The following SSH2 variants were observed in gnomAD, a reference collection of about 807,000 sequenced individuals.
SSH2 encodes slingshot protein phosphatase 2.
In SSH2, 37 loss-of-function variants were observed where a neutral mutation model predicts 135.2. The observed-to-expected ratio is 0.27, with a 90% confidence interval of 0.21 to 0.36. The LOEUF (loss-of-function observed/expected upper bound fraction) is 0.36. Among genes scored for constraint, SSH2 ranks in the 10% least tolerant of loss-of-function variants. The probability of loss-of-function intolerance (pLI) is 1.00; values close to 1 mark genes in which losing one functional copy is unlikely to be tolerated. For synonymous variants in SSH2, 628 were observed against 646.2 expected (o/e 0.97, Z 0.43); for missense variants, 1,408 against 1,765.3 (o/e 0.80, Z 3.63).
intron 3 of SSH2, among the ~76,000 whole-genome samples, chr17:29,737,089 ACT>A (rs1271074297): frequency 1.7e-5 from 2 of 119,500 alleles, no homozygotes; most frequent in African/African-American, 6.8e-5. Flanking sequence ...ACAGAGCAAG[ACT>A]CTGTCTCAAA....
rs191959500 is a variant in SSH2 at position 29,795,805 on chromosome 17, G to A, written c.145-1868C>T. 1.2e-3 allele frequency among the ~76,000 whole-genome samples: 182 copies of A among 151,802 alleles called. 1 individual carries two copies. Among genetic ancestry groups the A allele is most frequent in the African/African-American group, 4.2e-3 (173 of 41,404 alleles). ...CACCCAGGCTGGAGTGCAGTGATGC[G>A]ATCTCGACTCACTGCAACCTCCACC... On this transcript the variant is annotated intron_variant, in intron 2 of 15. Coordinates refer to ENST00000540801, the MANE Select transcript of SSH2 (RefSeq NM_001282129.2).
At chr17:29,781,319 C>G (rs1051751283) in intron 3 of SSH2, among the ~76,000 whole-genome samples, 1 of 151,804 alleles carries the variant, frequency 6.6e-6, no homozygotes, top group African/African-American at 2.4e-5. Context: ...AGTCCTATCT[C>G]AAAGATAAAA....
At chr17:29,909,513 T>C (rs1220019077) in intron 1 of SSH2, among the ~76,000 whole-genome samples, 1 of 152,156 alleles carries the variant, frequency 6.6e-6, no homozygotes, top group Non-Finnish European at 1.5e-5. Flanking sequence ...TGCTCAATAT[T>C]TAAAGACTTG....
chr17:29,744,881 G>GTGTGTGTGTGTGTGTGTT (rs1555625843), intron 3 of SSH2, among the ~76,000 whole-genome samples: 35 of 151,216 alleles, frequency 2.3e-4, no homozygotes, highest in African/African-American at 8.3e-4. Flanking sequence ...GTGTGTGTGT[G>GTGTGTGTGTGTGTGTGTT]TGTGTGTGTG....
chr17:29,727,510 T>C (rs2040041860), intron 3 of SSH2, among the ~76,000 whole-genome samples: 1 of 152,180 alleles, frequency 6.6e-6, no homozygotes, highest in South Asian at 2.1e-4. Context: ...TGCTGGAGAA[T>C]GAAAAGATAA....
chr17:29,657,252 G>A (rs1398137108), intron 11 of SSH2, among the ~76,000 whole-genome samples: 2 of 137,002 alleles, frequency 1.5e-5, no homozygotes, highest in Non-Finnish European at 1.6e-5. Context: ...CAGGCGTGAG[G>A]CACTGTGCCC....
At chr17:29,708,154 T>C (rs1200810154) in intron 3 of SSH2, among the ~76,000 whole-genome samples, 1 of 152,204 alleles carries the variant, frequency 6.6e-6, no homozygotes, top group South Asian at 2.1e-4. Context: ...TATATGTAAA[T>C]TTAATCACAT....
intron 3 of SSH2, among the ~76,000 whole-genome samples, chr17:29,723,421 T>G (rs1399302022): frequency 2.6e-5 from 4 of 152,232 alleles, no homozygotes; most frequent in Non-Finnish European, 4.4e-5. Context: ...TTCACACTGC[T>G]TTATATAGTG....
At chr17:29,797,239 A>C (rs1262917522) in intron 2 of SSH2, among the ~76,000 whole-genome samples, 1 of 152,196 alleles carries the variant, frequency 6.6e-6, no homozygotes, top group Non-Finnish European at 1.5e-5. Flanking sequence ...GCTATCAAGA[A>C]ATGGAACATT....
intron 3 of SSH2, among the ~76,000 whole-genome samples, chr17:29,791,331 CT>C (rs2042061606): frequency 1.3e-5 from 2 of 152,320 alleles, no homozygotes; most frequent in African/African-American, 4.8e-5. Context: ...TGTGATCCGT[CT>C]GCCTCAGCCT....
In SSH2 at chr17:29,878,203, G is replaced by A. The variant is rs527756005; in HGVS notation, c.64-29274C>T. Among the ~76,000 whole-genome samples the A allele has an allele frequency of 1.9e-3, 294 of 152,192 alleles. 2 individuals are homozygous for A. The highest frequency in any genetic ancestry group is 6.5e-3 in the African/African-American group (268 of 41,518). ...AGCACTTTCAGAGGCCAAGGAGGGC[G>A]GATCACCTGAGTTCAGGAGTTCGAG... On this transcript the variant is annotated intron_variant, in intron 1 of 15. Coordinates refer to ENST00000540801, the MANE Select transcript of SSH2 (RefSeq NM_001282129.2).
intron 1 of SSH2, among the ~76,000 whole-genome samples, chr17:29,851,062 A>AT (rs1303057720): frequency 6.6e-6 from 1 of 152,162 alleles, no homozygotes; most frequent in African/African-American, 2.4e-5. Flanking sequence ...GTTCTCTTAT[A>AT]TTTTGGAGGG....
intron 3 of SSH2, among the ~76,000 whole-genome samples, chr17:29,722,273 CA>C (rs541297774): frequency 0.2 from 18,329 of 92,746 alleles, 2,785 homozygotes; most frequent in African/African-American, 0.47. Flanking sequence ...GACATTATCT[CA>C]AAAAAAAAAA....
chr17:29,867,716 C>T (rs56895581), intron 1 of SSH2, among the ~76,000 whole-genome samples: 117 of 152,268 alleles, frequency 7.7e-4, no homozygotes, highest in Admixed American at 2.1e-3. Flanking sequence ...GCAGAAAGAT[C>T]GCTGTTACTT....
At chr17:29,802,712 T>C (rs1208744285) in intron 2 of SSH2, among the ~76,000 whole-genome samples, 1 of 150,266 alleles carries the variant, frequency 6.7e-6, no homozygotes, top group Admixed American at 6.6e-5. Flanking sequence ...TGTAGAAGAA[T>C]GAGAGTCTGA....
At chr17:29,696,176 C>CAT (rs1567888764) in intron 4 of SSH2, among the ~76,000 whole-genome samples, 7 of 88,944 alleles carry the variant, frequency 7.9e-5, no homozygotes, top group Admixed American at 2.2e-4. Context: ...TATATATATA[C>CAT]ACACACACAC....
At chr17:29,840,881 G>A (rs1157036259) in intron 2 of SSH2, among the ~76,000 whole-genome samples, 1 of 152,218 alleles carries the variant, frequency 6.6e-6, no homozygotes, top group African/African-American at 2.4e-5. Flanking sequence ...GGCTTAGAGT[G>A]AAGTCACAGT....
At chr17:29,639,326 T>C (rs1236869461) in intron 14 of SSH2, among the ~76,000 whole-genome samples, 1 of 152,126 alleles carries the variant, frequency 6.6e-6, no homozygotes, top group African/African-American at 2.4e-5. Context: ...AACAGGTCAC[T>C]AAGTATGGTC....
At chr17:29,768,445 C>G (rs916085385) in intron 3 of SSH2, among the ~76,000 whole-genome samples, 9 of 151,972 alleles carry the variant, frequency 5.9e-5, no homozygotes, top group Admixed American at 5.3e-4. Context: ...GCATGTAACA[C>G]CACACCTGTC....
Sources: allele counts gnomAD v4.1 joint callset (sites outside exome capture counted in the v4.1 genomes callset), GRCh38; gene constraint gnomAD v4.1.1; transcripts MANE v1.5; gene names NCBI Gene and HGNC (gene_info 2026-07-23, HGNC 2026-07-21).